The following WDFY4 variants were observed in gnomAD, a reference collection of about 807,000 sequenced individuals.
WDFY4 encodes the protein WD repeat- and FYVE domain-containing protein 4.
Under a neutral mutation model 351.9 loss-of-function variants are expected in WDFY4, and 169 were observed. The observed-to-expected ratio is 0.48, with a 90% CI of 0.42 to 0.55. The LOEUF (loss-of-function observed/expected upper bound fraction) is 0.55. Among genes scored for constraint, WDFY4 ranks in the 20% least tolerant of loss-of-function variants. WDFY4 has a pLI of 0.00. For missense variants in WDFY4, 3,803 were observed against 3,935.6 expected (o/e 0.97, Z 0.90); for synonymous variants, 1,622 against 1,574.6 (o/e 1.03, Z -0.71).
At chr10:48,762,053 C>G (rs974698227) in intron 13 of WDFY4, among the ~76,000 whole-genome samples, 1 of 152,166 alleles carries the variant, frequency 6.6e-6, no homozygotes, top group East Asian at 1.9e-4. Flanking sequence ...AATAGAGGGA[C>G]CTGGCACTCC....
chr10:48,710,350 T>A (rs1280504080), intron 2 of WDFY4, among the ~76,000 whole-genome samples: 2 of 152,172 alleles, frequency 1.3e-5, no homozygotes, highest in African/African-American at 4.8e-5. Context: ...AGCCAAATTG[T>A]TTTCCAAAGG....
At chr10:48,728,006 A>G (rs942492928) in intron 7 of WDFY4, among the ~76,000 whole-genome samples, 3 of 152,124 alleles carry the variant, frequency 2.0e-5, no homozygotes, top group Non-Finnish European at 4.4e-5. Flanking sequence ...CTGGAAATGA[A>G]CCACCTTCAG....
chr10:48,863,784 G>A (rs1449229587), intron 39 of WDFY4, among the ~76,000 whole-genome samples: 2 of 152,130 alleles, frequency 1.3e-5, no homozygotes, highest in Non-Finnish European at 2.9e-5. Flanking sequence ...AAAGAAAAGA[G>A]GTTTAATTGA....
At chr10:48,810,045 T>C (rs899182322) in intron 28 of WDFY4, among the ~76,000 whole-genome samples, 3 of 141,126 alleles carry the variant, frequency 2.1e-5, no homozygotes, top group African/African-American at 4.9e-5. Flanking sequence ...ACGTTAATCA[T>C]GTTTCTTTTT....
At chr10:48,920,378 A>T in intron 47 of WDFY4, among the ~76,000 whole-genome samples, 1 of 151,394 alleles carries the variant, frequency 6.6e-6, no homozygotes, top group African/African-American at 2.4e-5. Flanking sequence ...GGGTGGGGGG[A>T]AGGGGGAGGG....
intron 12 of WDFY4, among the ~76,000 whole-genome samples, chr10:48,751,012 C>T (rs2065165045): frequency 6.6e-6 from 1 of 152,204 alleles, no homozygotes; most frequent in Non-Finnish European, 1.5e-5. Context: ...ACTCTCGTGC[C>T]TGGTGTCCTG....
chr10:48,729,709 T>C, intron 8 of WDFY4, 120 bp downstream of exon 8: 2 of 1,316,072 alleles, frequency 1.5e-6, no homozygotes, highest in South Asian at 3.1e-5. Flanking sequence ...TCTGATTCTG[T>C]CACAACCTTT....
intron 37 of WDFY4, 118 bp downstream of exon 37, chr10:48,829,014 G>A (rs2068101225): frequency 1.6e-6 from 1 of 632,294 alleles, no homozygotes; most frequent in Non-Finnish European, 2.7e-6. Flanking sequence ...AAATAAGAAA[G>A]CAGATACTAT....
At chr10:48,745,902 C>A (rs892568808) in intron 12 of WDFY4, 12 of 244,234 alleles carry the variant, frequency 4.9e-5, no homozygotes, top group Admixed American at 1.7e-4. Flanking sequence ...GGCTGGAAGA[C>A]GCTGCTGGGG....
chr10:48,825,885 A>G (rs1204854677), intron 35 of WDFY4, among the ~76,000 whole-genome samples: 3 of 152,026 alleles, frequency 2.0e-5, no homozygotes, highest in Non-Finnish European at 1.5e-5. Flanking sequence ...GATTCCAAAA[A>G]TTTTCTCCTA....
intron 44 of WDFY4, among the ~76,000 whole-genome samples, chr10:48,897,123 C>A (rs1430433834): frequency 6.6e-6 from 1 of 152,182 alleles, no homozygotes; most frequent in African/African-American, 2.4e-5. Context: ...CTCACCCCGA[C>A]CCTCATACCC....
intron 23 of WDFY4, among the ~76,000 whole-genome samples, chr10:48,794,211 G>A (rs557544263): frequency 1.1e-4 from 17 of 152,262 alleles, no homozygotes; most frequent in African/African-American, 1.4e-4. Context: ...ACCCCTTGAC[G>A]TCAGTGGAGA....
intron 2 of WDFY4, among the ~76,000 whole-genome samples, chr10:48,715,078 A>T (rs1221387320): frequency 6.6e-6 from 1 of 152,246 alleles, no homozygotes; most frequent in East Asian, 1.9e-4. Flanking sequence ...AGTAGTTCTG[A>T]GTGAACACCT....
chr10:48,722,545 T>C (rs1459673630), intron 4 of WDFY4, among the ~76,000 whole-genome samples: 2 of 152,200 alleles, frequency 1.3e-5, no homozygotes, highest in Non-Finnish European at 2.9e-5. Flanking sequence ...TGTACATTCG[T>C]CCTTCTCTTT....
intron 39 of WDFY4, among the ~76,000 whole-genome samples, chr10:48,860,932 C>G (rs981931791): frequency 5.3e-5 from 8 of 151,718 alleles, no homozygotes; most frequent in Non-Finnish European, 1.0e-4. Flanking sequence ...TTTTTTATAG[C>G]CCAAGATGTT....
In WDFY4 at chr10:48,926,106, C is replaced by T. The variant is rs529085953; in HGVS notation, c.7587-15700C>T. ...TCCTCCCTCTGTTGCCTGTGCTCCC[C>T]CAGTGGCAAATGCCTCATCCTGGGG... On this transcript the variant is annotated intron_variant, in intron 47 of 61. Coordinates refer to ENST00000325239, the MANE Select transcript of WDFY4 (RefSeq NM_001394531.1). Among the ~76,000 whole-genome samples, 7 of 152,316 alleles carry T rather than the reference C, an allele frequency of 4.6e-5. No homozygotes were observed. In the East Asian group the frequency reaches 1.3e-3, roughly 29 times the overall value.
intron 44 of WDFY4, among the ~76,000 whole-genome samples, chr10:48,892,934 G>A (rs1022365148): frequency 1.3e-5 from 2 of 152,210 alleles, no homozygotes; most frequent in Non-Finnish European, 1.5e-5. Flanking sequence ...TAGGGTGGCT[G>A]TATTCATTTG....
intron 43 of WDFY4, among the ~76,000 whole-genome samples, chr10:48,890,359 G>A (rs1564453383): frequency 6.6e-6 from 1 of 151,076 alleles, no homozygotes. Flanking sequence ...AGCAGAGGTA[G>A]GCTTGAGTAG....
At chr10:48,813,774 T>C (rs1050825087) in intron 30 of WDFY4, among the ~76,000 whole-genome samples, 183 bp from the exon 31 acceptor site, 2 of 152,248 alleles carry the variant, frequency 1.3e-5, no homozygotes, top group Admixed American at 1.3e-4. Flanking sequence ...TTGGAGGTGC[T>C]TGTTTCCCTT....
Sources: gnomAD v4.1 joint callset for allele counts (sites outside exome capture counted in the v4.1 genomes callset) on GRCh38, gnomAD v4.1.1 for gene constraint, MANE v1.5 for transcripts, NCBI Gene and HGNC (gene_info 2026-07-23, HGNC 2026-07-21) for gene names.